The following SH3RF3 variants were observed in gnomAD, a reference collection of about 807,000 sequenced individuals.
SH3RF3 encodes the protein E3 ubiquitin-protein ligase SH3RF3.
Under a neutral mutation model 66.3 loss-of-function variants are expected in SH3RF3, and 29 were observed. That is an observed-to-expected ratio of 0.44 (90% CI 0.33 to 0.60). SH3RF3 has a LOEUF of 0.60. SH3RF3 is among the 20% of genes least tolerant of loss of function. SH3RF3 has a pLI of 0.04. For synonymous variants in SH3RF3, 583 were observed against 532.0 expected, an observed-to-expected ratio of 1.10 and a Z score of -1.32; for missense variants, 1,194 against 1,190.9, an observed-to-expected ratio of 1.00 and a Z score of -0.04.
chr2:109,258,777 G>A (rs1344612756), intron 1 of SH3RF3, among the ~76,000 whole-genome samples: 1 of 152,226 alleles, frequency 6.6e-6, no homozygotes, highest in Non-Finnish European at 1.5e-5. Context: ...CACTGCTGTT[G>A]TCCTTCCTAA....
At chr2:109,235,932 G>A (rs1002418163) in intron 1 of SH3RF3, among the ~76,000 whole-genome samples, 1 of 152,132 alleles carries the variant, frequency 6.6e-6, no homozygotes, top group Non-Finnish European at 1.5e-5. Flanking sequence ...GAGGCTGTGG[G>A]GTTGGTTTCA....
intron 1 of SH3RF3, among the ~76,000 whole-genome samples, chr2:109,304,118 G>A (rs1465355434): frequency 1.3e-5 from 2 of 151,016 alleles, no homozygotes; most frequent in South Asian, 2.1e-4. Flanking sequence ...AAAAAAGAAA[G>A]ATCTACTCTG....
intron 1 of SH3RF3, among the ~76,000 whole-genome samples, chr2:109,265,951 T>C (rs1196373307): frequency 1.3e-5 from 2 of 152,136 alleles, no homozygotes; most frequent in Non-Finnish European, 2.9e-5. Flanking sequence ...CACCGAGCCC[T>C]GGAGAAATCC....
intron 1 of SH3RF3, among the ~76,000 whole-genome samples, chr2:109,173,734 A>G (rs1011665505): frequency 2.0e-5 from 3 of 152,132 alleles, no homozygotes; most frequent in Non-Finnish European, 4.4e-5. Context: ...GGCAGTGTCT[A>G]GGGGGACCAG....
chr2:109,255,948 C>A (rs1392173791), intron 1 of SH3RF3, among the ~76,000 whole-genome samples: 2 of 152,210 alleles, frequency 1.3e-5, no homozygotes, highest in Non-Finnish European at 2.9e-5. Flanking sequence ...GAAGTGTTTT[C>A]TTGCTTAGTG....
intron 1 of SH3RF3, among the ~76,000 whole-genome samples, chr2:109,294,310 C>T (rs749518268): frequency 6.6e-4 from 101 of 152,130 alleles, no homozygotes; most frequent in Non-Finnish European, 1.0e-3. Context: ...CCTGTAATCC[C>T]AGCACTTTGT....
rs116604478 is a variant in SH3RF3, at chr2:109,304,574, G to A, written c.574-43100G>A. On this transcript the variant is annotated intron_variant, in intron 1 of 9. Coordinates refer to ENST00000309415, the MANE Select transcript of SH3RF3 (RefSeq NM_001099289.3). ...AAGAGTGGTTAACTCCGCTGCACCCGTCGGCACTGCCCTCACCCTCTATCT... is the reference window on the plus strand; with the variant it reads ...AAGAGTGGTTAACTCCGCTGCACCCATCGGCACTGCCCTCACCCTCTATCT... Among the ~76,000 whole-genome samples the A allele has an allele frequency of 4.8e-3, 724 of 152,292 alleles. 3 individuals carry two copies. Among genetic ancestry groups the A allele is most frequent in the Middle Eastern group, 0.014 (4 of 294 alleles).
rs528629148 is a variant in SH3RF3, at chr2:109,419,718, T to C, written c.1403+76T>C. The C allele has an allele frequency of 9.1e-5, 128 of 1,400,182 alleles. 3 individuals carry two copies. In the South Asian group the frequency reaches 1.5e-3, roughly 16 times the overall value. The allele number at this position is 1,400,182 out of a possible 1,614,324, so 86.7% of individuals were successfully genotyped here. On this transcript the variant is annotated intron_variant, in intron 5 of 9. Transcript: ENST00000309415. ...CTGCCTGGGCTGACCTGTCCACGTG[T>C]GGTTTCCGCAGGGTTTTCCCATGTG...
At position 109,295,933 on chromosome 2, in the gene SH3RF3, C is replaced by T. The variant is rs145966418; in HGVS notation, c.574-51741C>T. Among the ~76,000 whole-genome samples the T allele has an allele frequency of 3.3e-4, 51 of 152,240 alleles. No individual in the cohort carries two copies. In the East Asian group the frequency reaches 7.5e-3, roughly 22 times the overall value. On this transcript the variant is annotated intron_variant, in intron 1 of 9. Coordinates refer to ENST00000309415, the MANE Select transcript of SH3RF3 (RefSeq NM_001099289.3). ...ACAGAACCCAGCCTCCTGCCTGTGC[C>T]GACACTGCTCCCTCTGTGACTGTGA...
intron 6 of SH3RF3, among the ~76,000 whole-genome samples, chr2:109,434,784 A>G (rs1366475820): frequency 6.6e-6 from 1 of 152,222 alleles, no homozygotes; most frequent in African/African-American, 2.4e-5. Flanking sequence ...CGCAATAGCC[A>G]TCTCCAGCCT....
intron 2 of SH3RF3, among the ~76,000 whole-genome samples, chr2:109,365,456 T>C (rs1683136868): frequency 6.6e-6 from 1 of 152,228 alleles, no homozygotes; most frequent in South Asian, 2.1e-4. Flanking sequence ...CAGTTTGCCC[T>C]GTGACCTCAG....
Position 109,347,904 on chromosome 2 carries a change from G to C in SH3RF3, c.804G>C (p.Glu268Asp). 1 of 1,610,896 alleles carries C rather than the reference G, an allele frequency of 6.2e-7. No individual in the cohort carries two copies. The highest frequency in any genetic ancestry group is 8.5e-7 in the Non-Finnish European group (1 of 1,178,618). The change falls in exon 2 of 10, where the codon GAG becomes GAC. Residue 268 changes from glutamate (E) to aspartate (D), a missense_variant. Transcript: ENST00000309415. ...AGGGAAAAGCACTTTATGATTTCGAGATGAAGGACAAAGACCAAGACAAGG... is the reference window on the plus strand; with the variant it reads ...AGGGAAAAGCACTTTATGATTTCGACATGAAGGACAAAGACCAAGACAAGG... ...PPQGKALYDF[E>D]MKDKDQDKDC...
Position 109,347,940 on chromosome 2 carries a change from C to G in SH3RF3, c.840C>G (p.Thr280=), listed in dbSNP as rs1682754105. ...KDKDQDKDCL[T]FTKDEILTVL... ...AAGACCAAGACAAGGACTGTCTGAC[C>G]TTCACCAAGGTAAGGTGAGCCCCGG... The change falls in exon 2 of 10, where the codon ACC becomes ACG. Residue 280 remains threonine, a synonymous_variant. Transcript: ENST00000309415. 6.2e-7 allele frequency: 1 copy of G among 1,602,846 alleles called. No individual in the cohort carries two copies. Among genetic ancestry groups the G allele is most frequent in the African/African-American group, 1.3e-5 (1 of 74,684 alleles).
Position 109,419,582 on chromosome 2 carries a change from G to C in SH3RF3, c.1343G>C (p.Arg448Pro). Reference protein sequence around the residue: ...SAGSTPTAVPRAASVSGEQGT... With the variant: ...SAGSTPTAVPPAASVSGEQGT... ...GGATCTACCCCCACGGCTGTCCCAC[G>C]GGCTGCCTCGGTGTCTGGAGAGCAG... is the stretch of plus-strand genomic sequence containing the variant. The change falls in exon 5 of 10, where the codon CGG (arginine) becomes CCG (proline). Residue 448 changes from arginine to proline, a missense_variant. Coordinates refer to ENST00000309415, the MANE Select transcript of SH3RF3 (RefSeq NM_001099289.3). The C allele has an allele frequency of 6.3e-7, 1 of 1,597,496 alleles. No homozygotes were observed. Among genetic ancestry groups the C allele is most frequent in the Middle Eastern group, 1.7e-4 (1 of 6,042 alleles).
intron 3 of SH3RF3, among the ~76,000 whole-genome samples, chr2:109,373,158 C>T (rs1282598242): frequency 1.3e-5 from 2 of 152,212 alleles, no homozygotes; most frequent in Non-Finnish European, 1.5e-5. Flanking sequence ...CACATCTGCC[C>T]TCAACACTTC....
chr2:109,257,322 G>A (rs1680243819), intron 1 of SH3RF3, among the ~76,000 whole-genome samples: 1 of 146,906 alleles, frequency 6.8e-6, no homozygotes, highest in African/African-American at 2.7e-5. Context: ...AAGAGGGAAG[G>A]AGGAATGAAG....
chr2:109,170,244 TTTCTCTTCTCTTCTCTTCTCTTCTC>T (rs1206279912), intron 1 of SH3RF3, among the ~76,000 whole-genome samples: 215 of 32,970 alleles, frequency 6.5e-3, no homozygotes, highest in African/African-American at 0.02. Context: ...CTTCTTTTCT[TTTCTCTTCTCTTCTCTTCTCTTCTC>T]TTCTCTTCTC....
At chr2:109,198,767 C>T (rs1678567346) in intron 1 of SH3RF3, among the ~76,000 whole-genome samples, 1 of 152,186 alleles carries the variant, frequency 6.6e-6, no homozygotes, top group Admixed American at 6.5e-5. Context: ...GCCTCACCTC[C>T]TGATACCAAA....
chr2:109,441,132 C>CAAAAAA (rs55649222), intron 7 of SH3RF3, among the ~76,000 whole-genome samples: 17 of 134,050 alleles, frequency 1.3e-4, no homozygotes, highest in African/African-American at 5.0e-4. Context: ...TATAGGAATA[C>CAAAAAA]AAAAAAAAAA....
Sources: allele counts gnomAD v4.1 joint callset (sites outside exome capture counted in the v4.1 genomes callset), GRCh38; gene constraint gnomAD v4.1.1; transcripts MANE v1.5; gene names NCBI Gene and HGNC (gene_info 2026-07-23, HGNC 2026-07-21).